SLC2A1: variants seen among roughly 807,000 people sequenced by gnomAD.
The protein encoded by SLC2A1 is solute carrier family 2, facilitated glucose transporter member 1.
SLC2A1 carries 4 observed loss-of-function variants against 46.6 expected under a neutral mutation model. That is an observed-to-expected ratio of 0.09 (90% confidence interval 0.04 to 0.20). The LOEUF is 0.20. Among genes scored for constraint, SLC2A1 ranks in the 10% least tolerant of loss-of-function variants. The pLI is 1.00. For missense variants in SLC2A1, 352 were observed against 667.0 expected (o/e 0.53, Z 5.20); for synonymous variants, 253 against 270.0 (o/e 0.94, Z 0.62).
chr1:42,948,246 T>C lies in SLC2A1; in HGVS notation c.19-4925A>G, dbSNP rs1570604495. On this transcript the variant is annotated intron_variant, in intron 1 of 9. Coordinates refer to ENST00000426263, the MANE Select transcript of SLC2A1 (RefSeq NM_006516.4). ...CGGATGCCAGATGGCCCTGGCCACA[T>C]TGTATAACTTGCCAAACACTGTGGC... Among the ~76,000 whole-genome samples, 8 of 152,296 alleles carry C rather than the reference T, an allele frequency of 5.3e-5. 2 individuals are homozygous for C. The highest frequency in any genetic ancestry group is 5.2e-4 in the Admixed American group (8 of 15,310).
intron 1 of SLC2A1, 27 bp downstream of exon 1, chr1:42,958,607 G>C (rs1014920179): frequency 5.8e-5 from 88 of 1,521,122 alleles, no homozygotes; most frequent in Non-Finnish European, 7.3e-5. Flanking sequence ...TGTTCCTGGC[G>C]GGAGGGCCCG....
At chr1:42,928,808 C>G (rs865979740) in intron 8 of SLC2A1, 124 bp downstream of exon 8, 1 of 858,590 alleles carries the variant, frequency 1.2e-6, no homozygotes, top group Non-Finnish European at 2.0e-6. Context: ...AAAGTCAGAC[C>G]CACAGCCAGG....
rs1256702585 is a variant in SLC2A1 at position 42,948,339 on chromosome 1, A to G, written c.19-5018T>C. Among the ~76,000 whole-genome samples, 7 of 152,234 alleles carry G rather than the reference A, an allele frequency of 4.6e-5. No individual in the cohort carries two copies. In the East Asian group the frequency reaches 1.4e-3, roughly 29 times the overall value. On this transcript the variant is annotated intron_variant, in intron 1 of 9. Transcript: ENST00000426263. ...AGGGTTGGCCTGCAGCAGGTTCTCA[A>G]TCTATATTGGCACAGGAAGGGCACG... is the stretch of plus-strand genomic sequence containing the variant.
chr1:42,930,949 G>T lies in SLC2A1; in HGVS notation c.276-83C>A. ...GGGTCAGAGGTAATACCCTGGAACA[G>T]GCAGATAAGTCTCCCCTACCTCCCA... On this transcript the variant is annotated intron_variant, in intron 3 of 9. Transcript: ENST00000426263. The surrounding 1 kb of genome is among the most constrained non-coding windows in gnomAD (Gnocchi z 6.2). 6.2e-7 allele frequency: 1 copy of T among 1,606,814 alleles called. No homozygotes were observed.
Position 42,929,335 on chromosome 1 carries a change from T to C in SLC2A1, c.868-21A>G. ...AAGACCTGCCAGACAAGAGAAACTGTTGGGGCCTACCTGGACATTGTGGCC... is the reference window on the plus strand; with the variant it reads ...AAGACCTGCCAGACAAGAGAAACTGCTGGGGCCTACCTGGACATTGTGGCC... On this transcript the variant is annotated intron_variant, in intron 6 of 9. Transcript: ENST00000426263. The surrounding 1 kb of genome is among the most constrained non-coding windows in gnomAD (Gnocchi z 6.0). The C allele has an allele frequency of 1.9e-6, 3 of 1,583,784 alleles. No homozygotes were observed. Among genetic ancestry groups the C allele is most frequent in the South Asian group, 1.1e-5 (1 of 88,440 alleles).
At chr1:42,953,653 C>T (rs1643745458) in intron 1 of SLC2A1, among the ~76,000 whole-genome samples, 1 of 152,226 alleles carries the variant, frequency 6.6e-6, no homozygotes, top group African/African-American at 2.4e-5. Flanking sequence ...CCCAGCTTTG[C>T]CAGTCTTGGG....
intron 2 of SLC2A1, among the ~76,000 whole-genome samples, chr1:42,936,219 G>A (rs77204193): frequency 0.034 from 5,150 of 152,222 alleles, 321 homozygotes; most frequent in African/African-American, 0.12. Context: ...TGTGCTCTAC[G>A]GGATGCTATT....
chr1:42,942,812 G>C (rs1643611357), intron 2 of SLC2A1, among the ~76,000 whole-genome samples: 1 of 151,974 alleles, frequency 6.6e-6, no homozygotes, highest in Non-Finnish European at 1.5e-5. Flanking sequence ...AGTGGTGCCT[G>C]CTGCCTCCTG....
chr1:42,935,760 G>A (rs1364974111), intron 2 of SLC2A1, among the ~76,000 whole-genome samples: 1 of 152,196 alleles, frequency 6.6e-6, no homozygotes, highest in East Asian at 1.9e-4. Flanking sequence ...GGGGAAGGAA[G>A]AGCTTTATAG....
Position 42,929,816 on chromosome 1 carries a change from A to C in SLC2A1, c.680-36T>G. On this transcript the variant is annotated intron_variant, in intron 5 of 9. Transcript: ENST00000426263. The surrounding 1 kb of genome is among the most constrained non-coding windows in gnomAD (Gnocchi z 6.0). ...CGGAGGGAAGGTGAGGGTGGCTCAG[A>C]GTGGGAAGAAGGCCAGGGCTCAGGG... 6.2e-7 allele frequency: 1 copy of C among 1,614,046 alleles called. No individual in the cohort carries two copies. The highest frequency in any genetic ancestry group is 8.5e-7 in the Non-Finnish European group (1 of 1,179,974).
chr1:42,938,510 G>A (rs547768495), intron 2 of SLC2A1, among the ~76,000 whole-genome samples: 1 of 152,336 alleles, frequency 6.6e-6, no homozygotes, highest in South Asian at 2.1e-4. Context: ...ACCACTTCCA[G>A]GAGGAAGCCC....
In SLC2A1 at chr1:42,928,899, G is replaced by A. The variant is rs751334059; in HGVS notation, c.1074+33C>T. On this transcript the variant is annotated intron_variant, in intron 8 of 9. Transcript: ENST00000426263. ...ATATGAAGCCCAGGCAAACTCTCCC[G>A]CATCCCTCACTCTCCAGAACCTAGC... The A allele has an allele frequency of 8.9e-6, 14 of 1,579,274 alleles. No individual in the cohort carries two copies. The East Asian group carries it at 1.1e-4, about 13-fold the overall frequency.
chr1:42,930,735 G>T lies in SLC2A1; in HGVS notation c.407C>A (p.Thr136Asn). Reference sequence around the variant, plus strand: ...CACATACATGGGCACGAAGCCTGTGGTCAGGCCGCAGTACACACCGATGAT... The same window carrying T: ...CACATACATGGGCACGAAGCCTGTGTTCAGGCCGCAGTACACACCGATGAT... ...RFIIGVYCGL[T>N]TGFVPMYVGE... The change falls in exon 4 of 10, where the codon ACC (threonine) becomes AAC (asparagine). Residue 136 changes from threonine to asparagine, a missense_variant. Around this residue, in one of 5 missense-constraint regions of SLC2A1, gnomAD observed 12 missense variants for 54.2 expected, o/e 0.22. Coordinates refer to ENST00000426263, the MANE Select transcript of SLC2A1 (RefSeq NM_006516.4). This position sits in a 1 kb window ranked among gnomAD's most constrained non-coding sequence, Gnocchi z 6.2. 5 of 1,610,982 alleles carry T rather than the reference G, an allele frequency of 3.1e-6. No homozygotes were observed. The highest frequency in any genetic ancestry group is 4.2e-6 in the Non-Finnish European group (5 of 1,179,978).
intron 2 of SLC2A1, among the ~76,000 whole-genome samples, chr1:42,932,652 C>T (rs907435394): frequency 8.5e-5 from 13 of 152,054 alleles, no homozygotes; most frequent in African/African-American, 3.1e-4. Flanking sequence ...TGCTGTTGGT[C>T]CTCCCTATCC....
At position 42,943,247 on chromosome 1, in the gene SLC2A1, T is replaced by C; in HGVS notation, c.93A>G (p.Gly31=). 3 of 1,613,412 alleles carry C rather than the reference T, an allele frequency of 1.9e-6. No individual in the cohort carries two copies. The highest frequency in any genetic ancestry group is 2.5e-6 in the Non-Finnish European group (3 of 1,179,500). Residue 31 remains glycine, a synonymous_variant, in exon 2 of 10, where the codon GGA becomes GGG. Transcript: ENST00000426263. The part of the protein sequence containing the change: ...LGSLQFGYNT[G]VINAPQKVIE... ...TCACCTTCTGGGGGGCATTGATGAC[T>C]CCAGTGTTGTAGCCAAACTGCAGGG...
chr1:42,932,466 G>C (rs1463506379), intron 2 of SLC2A1, among the ~76,000 whole-genome samples: 1 of 152,168 alleles, frequency 6.6e-6, no homozygotes, highest in Non-Finnish European at 1.5e-5. Context: ...CGTGCTCATA[G>C]AATCTAAATA....
intron 1 of SLC2A1, chr1:42,952,426 TA>T: frequency 2.1e-6 from 1 of 475,454 alleles, no homozygotes; most frequent in Admixed American, 2.2e-5. Flanking sequence ...GAGTTGGGGA[TA>T]AGGACTTCCA....
intron 1 of SLC2A1, among the ~76,000 whole-genome samples, chr1:42,949,723 A>G (rs2124468552): frequency 1.3e-5 from 2 of 152,348 alleles, no homozygotes; most frequent in South Asian, 4.1e-4. Context: ...GGCTGCTCAC[A>G]CATTCTGATT....
chr1:42,927,277 G>T lies in SLC2A1; in HGVS notation c.1279-36C>A. The T allele has an allele frequency of 6.3e-7, 1 of 1,594,786 alleles. No individual in the cohort carries two copies. The highest frequency in any genetic ancestry group is 1.1e-5 in the South Asian group (1 of 90,466). Reference sequence around the variant, plus strand: ...CACAGACACACTTGGTTGGAGTCATGACCCTACATCCTGGCTGTAGGACTT... The same window carrying T: ...CACAGACACACTTGGTTGGAGTCATTACCCTACATCCTGGCTGTAGGACTT... On this transcript the variant is annotated intron_variant, in intron 9 of 9. Coordinates refer to ENST00000426263, the MANE Select transcript of SLC2A1 (RefSeq NM_006516.4). This position sits in a 1 kb window ranked among gnomAD's most constrained non-coding sequence, Gnocchi z 5.3.
Sources: gnomAD v4.1 joint callset for allele counts (sites outside exome capture counted in the v4.1 genomes callset) on GRCh38, gnomAD v4.1.1 for gene constraint, gnomAD v4.1.1 regional missense constraint, Gnocchi (gnomAD v3.1) non-coding constraint, MANE v1.5 for transcripts, NCBI Gene and HGNC (gene_info 2026-07-23, HGNC 2026-07-21) for gene names.